SLCO1B1: variants seen among roughly 807,000 people sequenced by gnomAD.
The protein encoded by SLCO1B1 is OATP-2.
In SLCO1B1, 81 loss-of-function variants were observed where a neutral mutation model predicts 70.1. That is an observed-to-expected ratio of 1.16 (90% CI 0.97 to 1.39). The LOEUF (loss-of-function observed/expected upper bound fraction) is 1.39. SLCO1B1 is among the 40% of genes most tolerant of loss of function. The probability of loss-of-function intolerance (pLI) is 0.00; values close to 1 mark genes in which losing one functional copy is unlikely to be tolerated. For missense variants in SLCO1B1, 895 were observed against 799.6 expected (o/e 1.12, Z -1.44); for synonymous variants, 283 against 271.5 (o/e 1.04, Z -0.42).
intron 2 of SLCO1B1, among the ~76,000 whole-genome samples, chr12:21,157,889 C>T (rs904205762): frequency 6.6e-6 from 1 of 151,870 alleles, no homozygotes; most frequent in South Asian, 2.1e-4. Flanking sequence ...CGTGAGCCAC[C>T]GTGCCCGGCC....
intron 7 of SLCO1B1, among the ~76,000 whole-genome samples, chr12:21,185,564 A>G (rs781198309): frequency 1.3e-5 from 2 of 152,066 alleles, no homozygotes; most frequent in African/African-American, 2.4e-5. Flanking sequence ...GACACACCTC[A>G]CTAAAATCTT....
chr12:21,185,412 A>G (rs1027784796), intron 7 of SLCO1B1, among the ~76,000 whole-genome samples: 2 of 152,232 alleles, frequency 1.3e-5, no homozygotes, highest in African/African-American at 2.4e-5. Flanking sequence ...ACATTCTTGA[A>G]CAAAAGTGCA....
chr12:21,188,577 G>A (rs147551650), intron 7 of SLCO1B1, among the ~76,000 whole-genome samples: 5,818 of 152,134 alleles, frequency 0.038, 147 homozygotes, highest in South Asian at 0.078. Context: ...CTGGTGGGAG[G>A]TGATTGGGTG....
intron 14 of SLCO1B1, among the ~76,000 whole-genome samples, chr12:21,228,585 A>G (rs1941502784): frequency 6.6e-6 from 1 of 152,194 alleles, no homozygotes. Context: ...CAATATAACC[A>G]CAAATATCCT....
Position 21,197,879 on chromosome 12 carries a change from C to T in SLCO1B1, c.970+691C>T, listed in dbSNP as rs890177765. ...ATGCATCAGCATTTGACAGTGCCTC[C>T]TCTTTTGAATATAAACCCTGGGACT... is the stretch of plus-strand genomic sequence containing the variant. On this transcript the variant is annotated intron_variant, in intron 8 of 14. Transcript: ENST00000256958. Among the ~76,000 whole-genome samples the T allele has an allele frequency of 3.3e-5, 5 of 152,060 alleles. No homozygotes were observed. The South Asian group carries it at 8.3e-4, about 25-fold the overall frequency.
Position 21,141,657 on chromosome 12 carries a change from A to G in SLCO1B1, c.83A>G (p.Lys28Arg). 1 of 1,588,544 alleles carries G rather than the reference A, an allele frequency of 6.3e-7. No homozygotes were observed. Among genetic ancestry groups the G allele is most frequent in the Non-Finnish European group, 8.6e-7 (1 of 1,159,016 alleles). ...AAAACAAGATACTGCAATGGATTGA[A>G]GGTAGAATAAGTTTTATGTTTTTGA... ...NKKTRYCNGL[K>R]MFLAALSLSF... The change falls in exon 2 of 15, where the codon AAG becomes AGG. Residue 28 changes from lysine (K) to arginine (R), a missense_variant and splice_region_variant. Lys to Arg is a conservative substitution (Grantham distance 26). Transcript: ENST00000256958.
intron 2 of SLCO1B1, among the ~76,000 whole-genome samples, chr12:21,163,652 T>G (rs2121082103): frequency 6.6e-6 from 1 of 152,284 alleles, no homozygotes; most frequent in Middle Eastern, 3.4e-3. Flanking sequence ...CTGGTGACAG[T>G]TCTCTTCTTG....
At chr12:21,206,823 A>G (rs1303769319) in intron 11 of SLCO1B1, among the ~76,000 whole-genome samples, 1 of 151,876 alleles carries the variant, frequency 6.6e-6, no homozygotes, top group Non-Finnish European at 1.5e-5. Context: ...TTTTACTATT[A>G]CCAACATTAC....
In SLCO1B1 at chr12:21,159,987, G is replaced by C. The variant is rs545940759; in HGVS notation, c.85-12663G>C. Among the ~76,000 whole-genome samples the C allele has an allele frequency of 2.0e-5, 3 of 149,498 alleles. No homozygotes were observed. In the South Asian group the frequency reaches 6.3e-4, roughly 32 times the overall value. ...AGAAATTAGAGATGAAACAAACAAA[G>C]AGAAAAACATGCTTATAGATAGGAA... On this transcript the variant is annotated intron_variant, in intron 2 of 14. Coordinates refer to ENST00000256958, the MANE Select transcript of SLCO1B1 (RefSeq NM_006446.5).
chr12:21,179,808 C>G (rs1940870938), intron 7 of SLCO1B1, among the ~76,000 whole-genome samples: 1 of 152,040 alleles, frequency 6.6e-6, no homozygotes, highest in African/African-American at 2.4e-5. Flanking sequence ...CTCTTTTATT[C>G]AGCAAACACA....
intron 2 of SLCO1B1, among the ~76,000 whole-genome samples, chr12:21,159,183 G>T (rs1034753164): frequency 3.3e-5 from 5 of 152,082 alleles, no homozygotes; most frequent in African/African-American, 4.8e-5. Flanking sequence ...TTGAAGTTCT[G>T]TAGTCAAAGT....
intron 1 of SLCO1B1, among the ~76,000 whole-genome samples, chr12:21,140,534 A>G (rs994078714): frequency 6.6e-6 from 1 of 152,030 alleles, no homozygotes; most frequent in African/African-American, 2.4e-5. Context: ...AGATATGGCC[A>G]CATAAAACCA....
At chr12:21,135,508 CTGGGTGCTCCTGTAT>C (rs1940205880) in intron 1 of SLCO1B1, among the ~76,000 whole-genome samples, 1 of 152,164 alleles carries the variant, frequency 6.6e-6, no homozygotes, top group African/African-American at 2.4e-5. Flanking sequence ...CTTTATGAAT[CTGGGTGCTCCTGTAT>C]TGGGTGCATA....
At chr12:21,185,628 A>G (rs73248946) in intron 7 of SLCO1B1, among the ~76,000 whole-genome samples, 15,032 of 152,058 alleles carry the variant, frequency 0.099, 1,020 homozygotes, top group African/African-American at 0.19. Flanking sequence ...AAAGGCCTTC[A>G]TCAAGAAGGC....
intron 2 of SLCO1B1, among the ~76,000 whole-genome samples, chr12:21,150,884 TCTA>T (rs758211280): frequency 6.6e-6 from 1 of 152,216 alleles, no homozygotes; most frequent in Non-Finnish European, 1.5e-5. Context: ...TGTTACTTGA[TCTA>T]CTGTGTCAAT....
Position 21,178,573 on chromosome 12 carries a change from T to C in SLCO1B1, c.482-3T>C. 2 of 1,595,182 alleles carry C rather than the reference T, an allele frequency of 1.3e-6. No homozygotes were observed. The highest frequency in any genetic ancestry group is 4.5e-5 in the East Asian group (2 of 44,710). On this transcript the variant is annotated splice_polypyrimidine_tract_variant and splice_region_variant and intron_variant, in intron 5 of 14. Coordinates refer to ENST00000256958, the MANE Select transcript of SLCO1B1 (RefSeq NM_006446.5). ...AAAATGAAACACTCTCTTATCTACATAGGTTGTTTAAAGGAATCTGGGTCA... is the reference window on the plus strand; with the variant it reads ...AAAATGAAACACTCTCTTATCTACACAGGTTGTTTAAAGGAATCTGGGTCA...
intron 11 of SLCO1B1, among the ~76,000 whole-genome samples, chr12:21,207,451 T>C (rs192053042): frequency 3.6e-4 from 55 of 152,122 alleles, no homozygotes; most frequent in Non-Finnish European, 6.9e-4. Flanking sequence ...GCATCCAGGT[T>C]GCTGCAAGGG....
intron 7 of SLCO1B1, among the ~76,000 whole-genome samples, chr12:21,184,350 G>T (rs1367450178): frequency 6.6e-6 from 1 of 151,950 alleles, no homozygotes; most frequent in South Asian, 2.1e-4. Flanking sequence ...AGATTTTTTT[G>T]GGGGGCAGCT....
chr12:21,235,662 C>T (rs971117036), intron 14 of SLCO1B1, among the ~76,000 whole-genome samples: 1 of 151,822 alleles, frequency 6.6e-6, no homozygotes, highest in Non-Finnish European at 1.5e-5. Flanking sequence ...ATTATGGGTG[C>T]TTTTATAGTA....
Sources: allele counts gnomAD v4.1 joint callset (sites outside exome capture counted in the v4.1 genomes callset), GRCh38; gene constraint gnomAD v4.1.1; transcripts MANE v1.5; gene names NCBI Gene and HGNC (gene_info 2026-07-23, HGNC 2026-07-21).